The following EIF2S3 variants were observed in gnomAD, a reference collection of about 807,000 sequenced individuals.
The protein encoded by EIF2S3 is eukaryotic translation initiation factor 2 subunit 3.
EIF2S3 carries 2 observed loss-of-function variants against 31.7 expected under a neutral mutation model. That is an observed-to-expected ratio of 0.06 (90% CI 0.03 to 0.20). The LOEUF (loss-of-function observed/expected upper bound fraction) is 0.20. Ranked by LOEUF, EIF2S3 falls within the 10% of genes least tolerant of loss-of-function variation. EIF2S3 has a pLI of 1.00. For synonymous variants in EIF2S3, 120 were observed against 126.7 expected (o/e 0.95, Z 0.36); for missense variants, 96 against 359.3 (o/e 0.27, Z 5.92).
At chrX:24,056,580 C>A (rs191997196) in intron 2 of EIF2S3, among the ~76,000 whole-genome samples, 1 of 111,670 alleles carries the variant, frequency 9.0e-6, no homozygotes, top group Non-Finnish European at 1.9e-5. Flanking sequence ...AAGTTCTGGC[C>A]GGGTGCAGTG....
At chrX:24,060,352 T>A in intron 5 of EIF2S3, 170 bp downstream of exon 5, 1 of 426,173 alleles carries the variant, frequency 2.3e-6, no homozygotes, top group Admixed American at 4.2e-5. Flanking sequence ...TATCACAAAA[T>A]ACTCAAAAAG....
At chrX:24,066,953 T>C (rs1460998301) in intron 8 of EIF2S3, among the ~76,000 whole-genome samples, 1 of 112,483 alleles carries the variant, frequency 8.9e-6, no homozygotes, top group African/African-American at 3.2e-5. Flanking sequence ...TTCTGGTGAA[T>C]GTATACCCAC....
intron 8 of EIF2S3, among the ~76,000 whole-genome samples, chrX:24,067,493 C>CTTTTTT (rs11375396): frequency 2.4e-5 from 2 of 82,711 alleles, no homozygotes; most frequent in African/African-American, 4.5e-5. Context: ...TCGTTCACAT[C>CTTTTTT]TTTTTTTTTT....
intron 11 of EIF2S3, among the ~76,000 whole-genome samples, chrX:24,073,746 T>C (rs1294705980): frequency 8.9e-6 from 1 of 112,192 alleles, no homozygotes; most frequent in African/African-American, 3.2e-5. Flanking sequence ...AATACTGTGA[T>C]TGGCTTCTCT....
In EIF2S3 at chrX:24,061,507, C is replaced by T. The variant is rs1465922760; in HGVS notation, c.479-909C>T. Among the ~76,000 whole-genome samples the T allele has an allele frequency of 2.9e-5, 3 of 102,384 alleles. No homozygotes were observed. In the East Asian group the frequency reaches 9.4e-4, roughly 32 times the overall value. 88.9% of individuals were successfully genotyped at this position (102,384 alleles called of 115,157 possible). On this transcript the variant is annotated intron_variant, in intron 5 of 11. Transcript: ENST00000253039. The stretch of plus-strand genomic sequence containing the variant: ...TTGGGAGGCGGAGGTTGCAGTGAGC[C>T]GAGGTGACGCCACTGCACTCCAGCC...
At chrX:24,060,455 CAT>C (rs746389111) in intron 5 of EIF2S3, 5 of 359,683 alleles carry the variant, frequency 1.4e-5, no homozygotes, top group Non-Finnish European at 2.4e-5. Context: ...ATTTAAATCA[CAT>C]GAGGTGATTT....
At chrX:24,068,448 C>CTT (rs375660956) in intron 9 of EIF2S3, among the ~76,000 whole-genome samples, 1,066 of 102,648 alleles carry the variant, frequency 0.01, 17 homozygotes, top group African/African-American at 0.035. Flanking sequence ...TAATGGTTGC[C>CTT]TTTTTTTTTT....
chrX:24,059,261 G>C (rs1044316985), intron 4 of EIF2S3, among the ~76,000 whole-genome samples: 4 of 111,684 alleles, frequency 3.6e-5, no homozygotes, highest in Non-Finnish European at 7.5e-5. Flanking sequence ...CCTAAGGGCT[G>C]ACCTCTGTTT....
chrX:24,066,130 T>G, intron 8 of EIF2S3, 38 bp downstream of exon 8: 1 of 1,000,717 alleles, frequency 1.0e-6, no homozygotes, highest in Non-Finnish European at 1.4e-6. Flanking sequence ...TTGGGTTTTT[T>G]TTTTTTGTTG....
In EIF2S3 at chrX:24,078,226, A is replaced by G. The variant is rs1175763122; in HGVS notation, c.*1441A>G. Among the ~76,000 whole-genome samples, 20 of 110,548 alleles carry G rather than the reference A, an allele frequency of 1.8e-4. No homozygotes were observed. The highest frequency in any genetic ancestry group is 5.7e-5 in the Non-Finnish European group (3 of 52,859). ...TTTTTAGTAGAGATGGGGTTTCACC[A>G]TGTTGCCCAGGCTGGTCTTGAACTC... is the stretch of plus-strand genomic sequence containing the variant. On this transcript the variant is annotated 3_prime_UTR_variant, in exon 12 of 12. Coordinates refer to ENST00000253039, the MANE Select transcript of EIF2S3 (RefSeq NM_001415.4).
At chrX:24,066,750 G>A (rs1471665154) in intron 8 of EIF2S3, among the ~76,000 whole-genome samples, 1 of 111,624 alleles carries the variant, frequency 9.0e-6, no homozygotes, top group Non-Finnish European at 1.9e-5. Context: ...CTTACCTCAA[G>A]TGATCCACCC....
intron 11 of EIF2S3, 108 bp from the exon 12 acceptor site, chrX:24,076,614 A>T: frequency 1.4e-6 from 1 of 739,793 alleles, no homozygotes; most frequent in Non-Finnish European, 2.0e-6. Flanking sequence ...GGCTTTGGGA[A>T]CAAATTTGAA....
chrX:24,062,772 A>G lies in EIF2S3; in HGVS notation c.637+198A>G, dbSNP rs780887560. 4.0e-4 allele frequency: 146 copies of G among 363,884 alleles called. No homozygotes were observed. The South Asian group carries it at 0.013, about 33-fold the overall frequency. 30.0% of individuals were successfully genotyped at this position (363,884 alleles called of 1,213,427 possible). A position where few individuals can be genotyped will look rare whatever the true frequency, so the allele number is the denominator to read the frequency against. On this transcript the variant is annotated intron_variant, in intron 6 of 11. Coordinates refer to ENST00000253039, the MANE Select transcript of EIF2S3 (RefSeq NM_001415.4). ...CCTGTGATTCTGAATTTAATATACT[A>G]AAGTATATTTTTGCTGGCAGCAAGT... is the stretch of plus-strand genomic sequence containing the variant.
At chrX:24,059,840 A>G (rs1313775332) in intron 4 of EIF2S3, among the ~76,000 whole-genome samples, 2 of 112,070 alleles carry the variant, frequency 1.8e-5, no homozygotes, top group Non-Finnish European at 3.8e-5. Flanking sequence ...ATTCTATACC[A>G]TATTCATTTT....
chrX:24,072,677 A>G (rs1477023996), intron 10 of EIF2S3, among the ~76,000 whole-genome samples: 2 of 111,128 alleles, frequency 1.8e-5, no homozygotes, highest in Non-Finnish European at 3.8e-5. Flanking sequence ...ATAAGCTATC[A>G]TGCTTTTTTT....
At chrX:24,062,163 C>T (rs1378537395) in intron 5 of EIF2S3, among the ~76,000 whole-genome samples, 1 of 110,763 alleles carries the variant, frequency 9.0e-6, no homozygotes, top group Non-Finnish European at 1.9e-5. Flanking sequence ...AATTTAGTGG[C>T]ATTAAGCACA....
In EIF2S3 at chrX:24,076,924, C is replaced by CTTTTTTTTTTTTTTTTT. The variant is rs747088489; in HGVS notation, c.*140_*141insTTTTTTTTTTTTTTTTT. 5 of 106,659 alleles carry CTTTTTTTTTTTTTTTTT rather than the reference C, an allele frequency of 4.7e-5. 1 individual carries two copies. The highest frequency in any genetic ancestry group is 3.2e-4 in the Admixed American group (2 of 6,300). The allele number at this position is 106,659 out of a possible 1,213,427, so 8.8% of individuals were successfully genotyped here. ...CTTAGTAGGTAACGGTAAGGTTATT[C>CTTTTTTTTTTTTTTTTT]TCTTTTTTTTTTTTTTTTTTTTTGG... is the stretch of plus-strand genomic sequence containing the variant. On this transcript the variant is annotated 3_prime_UTR_variant, in exon 12 of 12. Transcript: ENST00000253039.
rs753182931 is a variant in EIF2S3 at position 24,065,987 on chromosome X, T to G, written c.773-11T>G. 3.4e-6 allele frequency: 4 copies of G among 1,180,731 alleles called. No individual in the cohort carries two copies. In the Admixed American group the frequency reaches 9.0e-5, roughly 27 times the overall value. ...GATTAACAGAACTGACTTTAATTTG[T>G]TTTATTTTAGTTATTAGATCTTTTG... is the stretch of plus-strand genomic sequence containing the variant. On this transcript the variant is annotated splice_polypyrimidine_tract_variant and intron_variant, in intron 7 of 11. Coordinates refer to ENST00000253039, the MANE Select transcript of EIF2S3 (RefSeq NM_001415.4).
At position 24,077,350 on chromosome X, in the gene EIF2S3, GC is replaced by G. The variant is rs768724793; in HGVS notation, c.*567del. 1 of 112,624 alleles carries G rather than the reference GC, an allele frequency of 8.9e-6. No individual in the cohort carries two copies. The highest frequency in any genetic ancestry group is 1.9e-5 in the Non-Finnish European group (1 of 53,490). The allele number at this position is 112,624 out of a possible 1,213,427, so 9.3% of individuals were successfully genotyped here. ...CAAAGTGCTGGGATTACAGGCGTGA[GC>G]CACCTTGCCCAGCCCACATCATACA... On this transcript the variant is annotated 3_prime_UTR_variant, in exon 12 of 12. Coordinates refer to ENST00000253039, the MANE Select transcript of EIF2S3 (RefSeq NM_001415.4).
Sources: gnomAD v4.1 joint callset for allele counts (sites outside exome capture counted in the v4.1 genomes callset) on GRCh38, gnomAD v4.1.1 for gene constraint, MANE v1.5 for transcripts, NCBI Gene and HGNC (gene_info 2026-07-23, HGNC 2026-07-21) for gene names.